The following PSMB7 variants were observed in gnomAD, a reference collection of about 807,000 sequenced individuals.
PSMB7 encodes proteasome 20S subunit beta 7.
PSMB7 carries 5 observed loss-of-function variants against 28.1 expected under a neutral mutation model. The observed-to-expected ratio is 0.18, with a 90% CI of 0.09 to 0.37. PSMB7 has a LOEUF of 0.37. Ranked by LOEUF, PSMB7 falls within the 10% of genes least tolerant of loss-of-function variation. PSMB7 has a pLI of 1.00. For missense variants in PSMB7, 275 were observed against 346.2 expected (o/e 0.79, Z 1.63); for synonymous variants, 122 against 123.7 (o/e 0.99, Z 0.09).
chr9:124,400,306 C>T (rs1830888198), intron 5 of PSMB7, among the ~76,000 whole-genome samples: 1 of 152,248 alleles, frequency 6.6e-6, no homozygotes, highest in Non-Finnish European at 1.5e-5. Flanking sequence ...AAATACTCAG[C>T]ATCCGTGAGG....
At chr9:124,361,490 G>A (rs1830465066) in intron 6 of PSMB7, among the ~76,000 whole-genome samples, 1 of 152,178 alleles carries the variant, frequency 6.6e-6, no homozygotes, top group Non-Finnish European at 1.5e-5. Flanking sequence ...AAGTGCCTTA[G>A]GAATCATACA....
intron 3 of PSMB7, 21 bp downstream of exon 3, chr9:124,413,887 T>C (rs1329321573): frequency 1.3e-6 from 2 of 1,517,036 alleles, no homozygotes; most frequent in South Asian, 2.3e-5. Flanking sequence ...ATAAGAGTTA[T>C]TCAAACGAAT....
At chr9:124,353,962 T>TC (rs1282122359) in intron 7 of PSMB7, among the ~76,000 whole-genome samples, 3 of 144,058 alleles carry the variant, frequency 2.1e-5, no homozygotes, top group African/African-American at 5.9e-5. Flanking sequence ...CACGTGACTC[T>TC]CCCCCCACCC....
intron 6 of PSMB7, among the ~76,000 whole-genome samples, chr9:124,376,440 T>A (rs1028734450): frequency 1.3e-5 from 2 of 152,124 alleles, no homozygotes; most frequent in African/African-American, 4.8e-5. Flanking sequence ...CACAGCCAAG[T>A]GATTTTATTA....
chr9:124,395,238 ACT>A (rs920089471), intron 5 of PSMB7, among the ~76,000 whole-genome samples: 5 of 152,076 alleles, frequency 3.3e-5, no homozygotes, highest in African/African-American at 1.2e-4. Context: ...TAATCCCAGC[ACT>A]CTGGGAAGCC....
chr9:124,394,820 C>T (rs576291669), intron 5 of PSMB7, among the ~76,000 whole-genome samples: 1 of 152,288 alleles, frequency 6.6e-6, no homozygotes, highest in Non-Finnish European at 1.5e-5. Context: ...ACCTTTGCAG[C>T]AACCAAGAAA....
At chr9:124,358,431 A>G (rs1830435022) in intron 6 of PSMB7, among the ~76,000 whole-genome samples, 1 of 152,194 alleles carries the variant, frequency 6.6e-6, no homozygotes, top group Non-Finnish European at 1.5e-5. Flanking sequence ...AATGAAGCCA[A>G]TTCTTCTTTT....
At chr9:124,385,292 CAAAG>C (rs1228948764) in intron 5 of PSMB7, among the ~76,000 whole-genome samples, 1 of 152,132 alleles carries the variant, frequency 6.6e-6, no homozygotes, top group Non-Finnish European at 1.5e-5. Flanking sequence ...AAATGACAGA[CAAAG>C]AAACAAAAAT....
At chr9:124,396,554 T>C in intron 5 of PSMB7, among the ~76,000 whole-genome samples, 1 of 152,222 alleles carries the variant, frequency 6.6e-6, no homozygotes, top group East Asian at 1.9e-4. Flanking sequence ...AACCAGTTTA[T>C]CTGGAGAGAG....
At chr9:124,361,286 C>T (rs926996381) in intron 6 of PSMB7, among the ~76,000 whole-genome samples, 3 of 152,160 alleles carry the variant, frequency 2.0e-5, no homozygotes, top group South Asian at 4.1e-4. Context: ...TCTCCATCAC[C>T]GCATCGCACA....
rs1588584548 is a variant in PSMB7 at position 124,412,512 on chromosome 9, A to AC, written c.255-21dup. 1 of 1,612,016 alleles carries AC rather than the reference A, an allele frequency of 6.2e-7. No individual in the cohort carries two copies. The highest frequency in any genetic ancestry group is 1.3e-5 in the African/African-American group (1 of 75,010). ...CAACAACTGAAAAATCCAATTAGAAACTTAGCTGAAATCCAATTACCAGAG... is the reference window on the plus strand; with the variant it reads ...CAACAACTGAAAAATCCAATTAGAAACCTTAGCTGAAATCCAATTACCAGAG... On this transcript the variant is annotated intron_variant, in intron 3 of 7. Transcript: ENST00000259457.
At position 124,414,829 on chromosome 9, in the gene PSMB7, T is replaced by C. The variant is rs1831069816; in HGVS notation, c.156+13A>G. The C allele has an allele frequency of 1.2e-6, 2 of 1,610,948 alleles. No homozygotes were observed. Among genetic ancestry groups the C allele is most frequent in the Non-Finnish European group, 1.7e-6 (2 of 1,177,326 alleles). On this transcript the variant is annotated intron_variant, in intron 2 of 7. Transcript: ENST00000259457. ...GGTTCAGTCACTGCTGCTCTTAGCC[T>C]AACCCGGCTTACCTTATAGACCACC...
intron 2 of PSMB7, among the ~76,000 whole-genome samples, 195 bp downstream of exon 2, chr9:124,414,647 C>T (rs372253067): frequency 2.0e-5 from 3 of 151,664 alleles, no homozygotes; most frequent in African/African-American, 7.3e-5. Flanking sequence ...AAAACCTCAG[C>T]AAAGTGAGGA....
At position 124,384,687 on chromosome 9, in the gene PSMB7, T is replaced by C. The variant is rs774400786; in HGVS notation, c.512-31A>G. The C allele has an allele frequency of 2.9e-5, 47 of 1,604,548 alleles. No individual in the cohort carries two copies. In the East Asian group the frequency reaches 1.0e-3, roughly 35 times the overall value. On this transcript the variant is annotated intron_variant, in intron 5 of 7. Transcript: ENST00000259457. ...AGAAAAAGGTGCACTTTTAGTGTATTTTATGATATCCCAGCTTATCCATCT... is the reference window on the plus strand; with the variant it reads ...AGAAAAAGGTGCACTTTTAGTGTATCTTATGATATCCCAGCTTATCCATCT...
intron 7 of PSMB7, among the ~76,000 whole-genome samples, chr9:124,355,229 C>G (rs548975494): frequency 1.3e-5 from 2 of 152,244 alleles, no homozygotes; most frequent in African/African-American, 4.8e-5. Flanking sequence ...ACCCACCACA[C>G]GCCCAGCAGC....
chr9:124,360,940 C>T (rs183115800), intron 6 of PSMB7, among the ~76,000 whole-genome samples: 187 of 152,276 alleles, frequency 1.2e-3, no homozygotes, highest in African/African-American at 4.0e-3. Context: ...GTAAAGCAAG[C>T]CAGAGGGCTC....
intron 6 of PSMB7, among the ~76,000 whole-genome samples, chr9:124,379,532 T>C (rs1830644408): frequency 6.6e-6 from 1 of 152,248 alleles, no homozygotes; most frequent in Non-Finnish European, 1.5e-5. Flanking sequence ...TAATGTGCCC[T>C]AAACTCACTT....
chr9:124,371,966 A>G (rs189639289), intron 6 of PSMB7, among the ~76,000 whole-genome samples: 28 of 152,330 alleles, frequency 1.8e-4, no homozygotes, highest in Admixed American at 1.7e-3. Context: ...GTCCCCCTAC[A>G]TTTCAGTTCT....
intron 6 of PSMB7, among the ~76,000 whole-genome samples, chr9:124,370,998 C>G (rs1830557058): frequency 6.6e-6 from 1 of 152,152 alleles, no homozygotes; most frequent in South Asian, 2.1e-4. Context: ...CACCCATGAA[C>G]CCACCACCCC....
Sources: gnomAD v4.1 joint callset for allele counts (sites outside exome capture counted in the v4.1 genomes callset) on GRCh38, gnomAD v4.1.1 for gene constraint, MANE v1.5 for transcripts, NCBI Gene and HGNC (gene_info 2026-07-23, HGNC 2026-07-21) for gene names.